The following DLGAP3 variants were observed in gnomAD, a reference collection of about 807,000 sequenced individuals.
DLGAP3 encodes disks large-associated protein 3.
A neutral mutation model predicts 81.2 loss-of-function variants in DLGAP3; 17 were observed. The observed-to-expected ratio is 0.21, with a 90% confidence interval of 0.14 to 0.31. The LOEUF (loss-of-function observed/expected upper bound fraction) is 0.31, where lower values mean the gene tolerates loss of function less well. Among genes scored for constraint, DLGAP3 ranks in the 10% least tolerant of loss-of-function variants. The pLI, the probability that DLGAP3 is intolerant of heterozygous loss-of-function variation, is 1.00. For synonymous variants in DLGAP3, 577 were observed against 587.4 expected (o/e 0.98, Z 0.26); for missense variants, 1,124 against 1,388.0 (o/e 0.81, Z 3.02).
intron 8 of DLGAP3, among the ~76,000 whole-genome samples, chr1:34,884,217 C>T (rs1428513445): frequency 6.6e-6 from 1 of 152,020 alleles, no homozygotes; most frequent in Non-Finnish European, 1.5e-5. Context: ...CCGCACCTGG[C>T]CTGGGACACT....
In DLGAP3 at chr1:34,867,279, TGC is replaced by T; in HGVS notation, c.2578-90_2578-89del. 2 of 1,579,582 alleles carry T rather than the reference TGC, an allele frequency of 1.3e-6. No individual in the cohort carries two copies. The highest frequency in any genetic ancestry group is 1.7e-6 in the Non-Finnish European group (2 of 1,151,590). ...AAGAGAAAGTCCTATCCACCCTTAC[TGC>T]CAGGAAGCTCAGCCTGGGAGAGTGG... is the stretch of plus-strand genomic sequence containing the variant. On this transcript the variant is annotated intron_variant, in intron 10 of 11. Transcript: ENST00000373347. The surrounding 1 kb of genome is among the most constrained non-coding windows in gnomAD (Gnocchi z 4.3).
intron 1 of DLGAP3, among the ~76,000 whole-genome samples, chr1:34,916,758 C>T (rs762687180): frequency 7.9e-5 from 12 of 151,994 alleles, no homozygotes; most frequent in Admixed American, 3.9e-4. Flanking sequence ...TGCAGTGGCA[C>T]GATCTCAGCT....
In DLGAP3 at chr1:34,910,755, A is replaced by G. The variant is rs528824972; in HGVS notation, c.-134-3318T>C. On this transcript the variant is annotated intron_variant, in intron 1 of 11. Transcript: ENST00000373347. The stretch of plus-strand genomic sequence containing the variant: ...TCAGATCCCCCTGCTGTTTGCTCTC[A>G]AGGCACCATGTACCTGTCTCTTATA... Among the ~76,000 whole-genome samples, 96 of 152,196 alleles carry G rather than the reference A, an allele frequency of 6.3e-4. 1 individual carries two copies. The highest frequency in any genetic ancestry group is 2.2e-3 in the African/African-American group (90 of 41,516).
chr1:34,882,234 T>C (rs988283236), intron 8 of DLGAP3, among the ~76,000 whole-genome samples: 1 of 152,162 alleles, frequency 6.6e-6, no homozygotes, highest in Non-Finnish European at 1.5e-5. Flanking sequence ...CCCAGCACTT[T>C]GGGAGGCCGA....
At chr1:34,891,744 A>G (rs943928238) in intron 5 of DLGAP3, among the ~76,000 whole-genome samples, 1 of 152,224 alleles carries the variant, frequency 6.6e-6, no homozygotes. Context: ...CCTCCGAAAA[A>G]TCTCTGGCTG....
rs1638917676 is a variant in DLGAP3, at chr1:34,868,287, G to T, written c.2485+318C>A. 6.6e-6 allele frequency among the ~76,000 whole-genome samples: 1 copy of T among 152,178 alleles called. No homozygotes were observed. The highest frequency in any genetic ancestry group is 6.5e-5 in the Admixed American group (1 of 15,284). On this transcript the variant is annotated intron_variant, in intron 9 of 11. Coordinates refer to ENST00000373347, the MANE Select transcript of DLGAP3 (RefSeq NM_001080418.3). The surrounding 1 kb of genome is among the most constrained non-coding windows in gnomAD (Gnocchi z 7.5). ...CCCCACACCAGTCCAGATCTGAACG[G>T]AGTTCCCTTAGTCCCCATAAACTTG...
chr1:34,890,397 T>G (rs922221889), intron 5 of DLGAP3, among the ~76,000 whole-genome samples: 6 of 152,230 alleles, frequency 3.9e-5, no homozygotes, highest in Non-Finnish European at 8.8e-5. Context: ...GATCTCCATC[T>G]CCTGGAACTC....
intron 8 of DLGAP3, among the ~76,000 whole-genome samples, chr1:34,872,599 A>AT (rs1246078643): frequency 6.6e-6 from 1 of 152,246 alleles, no homozygotes; most frequent in Non-Finnish European, 1.5e-5. Context: ...TGCAGATGCG[A>AT]TTAAGTTAAG....
chr1:34,884,614 C>T (rs1639191128), intron 8 of DLGAP3, among the ~76,000 whole-genome samples: 1 of 152,148 alleles, frequency 6.6e-6, no homozygotes, highest in Non-Finnish European at 1.5e-5. Flanking sequence ...ACTTGTACAC[C>T]ACAGGATGTA....
intron 1 of DLGAP3, among the ~76,000 whole-genome samples, chr1:34,928,554 A>C (rs1484549323): frequency 1.3e-5 from 2 of 152,146 alleles, no homozygotes; most frequent in East Asian, 3.9e-4. Context: ...ATCAAGGGTC[A>C]GGGGTCCCCA....
At chr1:34,896,112 T>A (rs1639377109) in intron 5 of DLGAP3, among the ~76,000 whole-genome samples, 1 of 152,140 alleles carries the variant, frequency 6.6e-6, no homozygotes, top group Admixed American at 6.6e-5. Flanking sequence ...GAATTATGCA[T>A]CATCAAGTTT....
chr1:34,892,386 T>C (rs1280470380), intron 5 of DLGAP3, among the ~76,000 whole-genome samples: 2 of 151,694 alleles, frequency 1.3e-5, no homozygotes, highest in African/African-American at 4.8e-5. Flanking sequence ...ACCATGCATG[T>C]GATGGGAGTT....
intron 1 of DLGAP3, among the ~76,000 whole-genome samples, chr1:34,912,393 A>G (rs1331100992): frequency 6.6e-6 from 1 of 152,232 alleles, no homozygotes; most frequent in Non-Finnish European, 1.5e-5. Flanking sequence ...CATTTGGCAC[A>G]AAGTGATGCC....
intron 1 of DLGAP3, among the ~76,000 whole-genome samples, chr1:34,911,029 C>A (rs1557496677): frequency 6.6e-6 from 1 of 150,724 alleles, no homozygotes; most frequent in Admixed American, 6.6e-5. Context: ...TCCACCCCCC[C>A]CCCACCACCT....
chr1:34,916,934 G>T (rs767043702), intron 1 of DLGAP3, among the ~76,000 whole-genome samples: 4 of 152,070 alleles, frequency 2.6e-5, no homozygotes, highest in African/African-American at 9.7e-5. Context: ...CCCTGACCTC[G>T]TGATCTGCCC....
At chr1:34,898,619 AC>A (rs1374286503) in intron 5 of DLGAP3, among the ~76,000 whole-genome samples, 2 of 152,182 alleles carry the variant, frequency 1.3e-5, no homozygotes, top group Non-Finnish European at 2.9e-5. Context: ...AAAATAGCTA[AC>A]CTTTATTGAG....
At chr1:34,919,325 C>T (rs1051318724) in intron 1 of DLGAP3, among the ~76,000 whole-genome samples, 1 of 152,220 alleles carries the variant, frequency 6.6e-6, no homozygotes, top group African/African-American at 2.4e-5. Flanking sequence ...AGACCCCCAA[C>T]TCCCACTTCC....
intron 1 of DLGAP3, among the ~76,000 whole-genome samples, chr1:34,926,732 T>C (rs1167829778): frequency 6.6e-6 from 1 of 152,160 alleles, no homozygotes; most frequent in Non-Finnish European, 1.5e-5. Context: ...AATTTCAGTC[T>C]CCCCACCTGT....
chr1:34,866,753 A>G (rs1638887073), intron 11 of DLGAP3, among the ~76,000 whole-genome samples: 2 of 151,250 alleles, frequency 1.3e-5, no homozygotes, highest in South Asian at 4.2e-4. Flanking sequence ...CGTAAGGTCT[A>G]CTTTTGCTCT....
Sources: allele counts gnomAD v4.1 joint callset (sites outside exome capture counted in the v4.1 genomes callset), GRCh38; gene constraint gnomAD v4.1.1; non-coding constraint Gnocchi (gnomAD v3.1); transcripts MANE v1.5; gene names NCBI Gene and HGNC (gene_info 2026-07-23, HGNC 2026-07-21).